PCDHGA3: variants seen among roughly 807,000 people sequenced by gnomAD.
The protein encoded by PCDHGA3 is protocadherin gamma subfamily A, 3, also known as protocadherin gamma-A3.
PCDHGA3 carries 40 observed loss-of-function variants against 58.5 expected under a neutral mutation model. That is an observed-to-expected ratio of 0.68 (90% CI 0.53 to 0.89). The LOEUF (loss-of-function observed/expected upper bound fraction) is 0.89. Among genes scored for constraint, PCDHGA3 ranks in the 40% least tolerant of loss-of-function variants. The pLI, the probability that PCDHGA3 is intolerant of heterozygous loss-of-function variation, is 0.00. For missense variants in PCDHGA3, 1,223 were observed against 1,195.9 expected (o/e 1.02, Z -0.33); for synonymous variants, 530 against 525.7 (o/e 1.01, Z -0.11).
At chr5:141,424,610 ATAGAG>A (rs1374272828) in intron 1 of PCDHGA3, 2 of 152,216 alleles carry the variant, frequency 1.3e-5, no homozygotes, top group African/African-American at 4.8e-5. Flanking sequence ...ATTTATTCAA[ATAGAG>A]TAGTTTGTGA....
At chr5:141,428,095 A>G (rs1361784967) in intron 1 of PCDHGA3, 1 of 1,608,848 alleles carries the variant, frequency 6.2e-7, no homozygotes, top group East Asian at 2.2e-5. Flanking sequence ...TGGCTGTCCT[A>G]CCACGTGCTG....
chr5:141,359,782 C>A (rs1040736490), intron 1 of PCDHGA3, among the ~76,000 whole-genome samples: 1 of 152,116 alleles, frequency 6.6e-6, no homozygotes, highest in Non-Finnish European at 1.5e-5. Context: ...AGAACCTATG[C>A]TGAATGCATC....
chr5:141,364,998 C>T (rs912689186), intron 1 of PCDHGA3: 1 of 1,613,920 alleles, frequency 6.2e-7, no homozygotes, highest in Non-Finnish European at 8.5e-7. Flanking sequence ...CCGGTACTCT[C>T]CGGCACCACG....
At chr5:141,499,331 TCA>T (rs2099791249) in intron 2 of PCDHGA3, among the ~76,000 whole-genome samples, 1 of 152,220 alleles carries the variant, frequency 6.6e-6, no homozygotes, top group African/African-American at 2.4e-5. Context: ...CTGCTCTCTC[TCA>T]GTTTGGGCAG....
At chr5:141,508,242 GC>G (rs1344624071) in intron 3 of PCDHGA3, 1 of 152,310 alleles carries the variant, frequency 6.6e-6, no homozygotes, top group African/African-American at 2.4e-5. Context: ...TCCTAAGTCT[GC>G]CTCTCCTGGG....
At chr5:141,481,193 A>AT (rs1437708630) in intron 1 of PCDHGA3, among the ~76,000 whole-genome samples, 4 of 152,216 alleles carry the variant, frequency 2.6e-5, no homozygotes, top group African/African-American at 7.2e-5. Context: ...GCCAGGCCCA[A>AT]TTTTTTTAAA....
chr5:141,400,499 G>A (rs1258690272), intron 1 of PCDHGA3: 8 of 1,613,910 alleles, frequency 5.0e-6, no homozygotes, highest in Non-Finnish European at 6.8e-6. Context: ...TGTAATTCCA[G>A]CGAGTCGACT....
At chr5:141,398,644 T>C (rs772408476) in intron 1 of PCDHGA3, 7 of 1,613,908 alleles carry the variant, frequency 4.3e-6, no homozygotes, top group Non-Finnish European at 5.9e-6. Context: ...GTATAAACTC[T>C]CTCTTAACCC....
At chr5:141,415,205 C>A (rs2095843771) in intron 1 of PCDHGA3, 2 of 1,614,040 alleles carry the variant, frequency 1.2e-6, no homozygotes, top group Non-Finnish European at 1.7e-6. Context: ...CAAGTCCTGG[C>A]GGACCTCGGC....
intron 1 of PCDHGA3, chr5:141,389,726 C>A: frequency 6.2e-7 from 1 of 1,612,720 alleles, no homozygotes; most frequent in South Asian, 1.1e-5. Flanking sequence ...AGCCCGGGCT[C>A]TTCAGCCTGG....
At chr5:141,383,401 CAG>C (rs1246270441) in intron 1 of PCDHGA3, 1 of 1,614,016 alleles carries the variant, frequency 6.2e-7, no homozygotes. Context: ...GAACTCCCTC[CAG>C]AGTTACCAGC....
chr5:141,385,608 T>C, intron 1 of PCDHGA3: 2 of 1,153,978 alleles, frequency 1.7e-6, no homozygotes, highest in Non-Finnish European at 2.2e-6. Context: ...TTAACTCATA[T>C]ATTTTATACA....
In PCDHGA3 at chr5:141,428,860, CTT is replaced by C. The variant is rs34152666; in HGVS notation, c.2425-65935_2425-65934del. On this transcript the variant is annotated intron_variant, in intron 1 of 3. Transcript: ENST00000253812. The stretch of plus-strand genomic sequence containing the variant: ...ACATTTTCACCATTTTTACGGGAGA[CTT>C]TTTTTTTTTTTGGACGGAGTCTCGC... The C allele has an allele frequency of 7.4e-3, 1,070 of 145,506 alleles. 4 individuals carry two copies. Among genetic ancestry groups the C allele is most frequent in the South Asian group, 0.018 (82 of 4,566 alleles). 9.0% of individuals were successfully genotyped at this position (145,506 alleles called of 1,614,324 possible).
At chr5:141,390,207 C>T in intron 1 of PCDHGA3, 1 of 1,614,028 alleles carries the variant, frequency 6.2e-7, no homozygotes, top group Non-Finnish European at 8.5e-7. Flanking sequence ...GAGTTCAGGA[C>T]AAGACATACT....
chr5:141,447,648 T>A (rs1262852729), intron 1 of PCDHGA3, among the ~76,000 whole-genome samples: 3 of 152,164 alleles, frequency 2.0e-5, no homozygotes, highest in African/African-American at 4.8e-5. Flanking sequence ...ATGGTAGAAT[T>A]TTCCCCCCCA....
chr5:141,355,887 C>G, intron 1 of PCDHGA3: 1 of 1,613,492 alleles, frequency 6.2e-7, no homozygotes, highest in South Asian at 1.1e-5. Context: ...CCAGGATTCT[C>G]ATAATACTTG....
Position 141,432,849 on chromosome 5 carries a change from T to G in PCDHGA3, c.2425-61958T>G. The G allele has an allele frequency of 1.2e-6, 2 of 1,614,194 alleles. No homozygotes were observed. The highest frequency in any genetic ancestry group is 2.2e-5 in the South Asian group (2 of 91,092). ...CTCACTCTGTACCTGGTGGTAGCGG[T>G]GGCCGCGGTCTCCTGCGTCTTCCTG... On this transcript the variant is annotated intron_variant, in intron 1 of 3. Coordinates refer to ENST00000253812, the MANE Select transcript of PCDHGA3 (RefSeq NM_018916.4). This position sits in a 1 kb window ranked among gnomAD's most constrained non-coding sequence, Gnocchi z 6.0.
rs182682202 is a variant in PCDHGA3 at position 141,445,418 on chromosome 5, T to A, written c.2425-49389T>A. Among the ~76,000 whole-genome samples the A allele has an allele frequency of 2.2e-3, 335 of 152,310 alleles. 1 individual carries two copies. Among genetic ancestry groups the A allele is most frequent in the Middle Eastern group, 0.01 (3 of 294 alleles). Reference sequence around the variant, plus strand: ...ACAAATATTTATTAACTGTCTGCTATATGCAAGGCACTGACCTATGGACTA... The same window carrying A: ...ACAAATATTTATTAACTGTCTGCTAAATGCAAGGCACTGACCTATGGACTA... On this transcript the variant is annotated intron_variant, in intron 1 of 3. Transcript: ENST00000253812.
chr5:141,415,907 T>C, intron 1 of PCDHGA3: 1 of 779,592 alleles, frequency 1.3e-6, no homozygotes. Context: ...CAGACTTCCA[T>C]ACAGAAGTGC....
Sources: gnomAD v4.1 joint callset for allele counts (sites outside exome capture counted in the v4.1 genomes callset) on GRCh38, gnomAD v4.1.1 for gene constraint, Gnocchi (gnomAD v3.1) non-coding constraint, MANE v1.5 for transcripts, NCBI Gene and HGNC (gene_info 2026-07-23, HGNC 2026-07-21) for gene names.